The following FARP1 variants were observed in gnomAD, a reference collection of about 807,000 sequenced individuals.
FARP1 encodes the protein FERM, ARHGEF and pleckstrin domain-containing protein 1.
FARP1 carries 52 observed loss-of-function variants against 128.8 expected under a neutral mutation model. The ratio of observed to expected loss-of-function variants is 0.40; its 90% CI spans 0.32 to 0.51. The LOEUF is 0.51. Ranked by LOEUF, FARP1 falls within the 20% of genes least tolerant of loss-of-function variation. FARP1 has a pLI of 0.45. For synonymous variants in FARP1, 580 were observed against 551.8 expected, an observed-to-expected ratio of 1.05 and a Z score of -0.72; for missense variants, 1,333 against 1,367.9, an observed-to-expected ratio of 0.97 and a Z score of 0.40.
chr13:98,372,169 C>T (rs1396428878), intron 5 of FARP1, among the ~76,000 whole-genome samples: 1 of 149,276 alleles, frequency 6.7e-6, no homozygotes, highest in African/African-American at 2.5e-5. Flanking sequence ...TCACTGCAAC[C>T]TCCGCCTCGT....
At chr13:98,169,689 A>T (rs1234973837) in intron 1 of FARP1, among the ~76,000 whole-genome samples, 2 of 152,270 alleles carry the variant, frequency 1.3e-5, no homozygotes, top group African/African-American at 2.4e-5. Context: ...GTTGTCTTCT[A>T]ACATATTTTG....
At chr13:98,366,912 A>G (rs1242119398) in intron 4 of FARP1, among the ~76,000 whole-genome samples, 1 of 152,136 alleles carries the variant, frequency 6.6e-6, no homozygotes, top group Non-Finnish European at 1.5e-5. Flanking sequence ...ATATGTGATC[A>G]CAGAAATTAT....
intron 1 of FARP1, among the ~76,000 whole-genome samples, chr13:98,162,752 A>C (rs770783715): frequency 5.3e-5 from 8 of 152,178 alleles, no homozygotes; most frequent in Non-Finnish European, 1.2e-4. Flanking sequence ...ATGCTCTAAC[A>C]ATGTTCTAGG....
Position 98,440,022 on chromosome 13 carries a change from A to G in FARP1, c.2495A>G (p.Gln832Arg). Residue 832 changes from glutamine to arginine, a missense_variant, in exon 22 of 27, where the codon CAG becomes CGG. Transcript: ENST00000319562. Reference sequence around the variant, plus strand: ...TGCCTGACCCTCCGGGGCCAGCGGCAGTCCATCATCGTGGCCGCCAGGTAA... The same window carrying G: ...TGCCTGACCCTCCGGGGCCAGCGGCGGTCCATCATCGTGGCCGCCAGGTAA... ...PHCLTLRGQR[Q>R]SIIVAASSRS... is the part of the protein sequence containing the mutation. The G allele has an allele frequency of 2.5e-6, 4 of 1,605,420 alleles. No individual in the cohort carries two copies. The highest frequency in any genetic ancestry group is 3.4e-6 in the Non-Finnish European group (4 of 1,173,522).
At chr13:98,320,063 G>C (rs1014031474) in intron 2 of FARP1, among the ~76,000 whole-genome samples, 2 of 152,108 alleles carry the variant, frequency 1.3e-5, no homozygotes, top group Admixed American at 1.3e-4. Flanking sequence ...AGGCCTGTGT[G>C]GTCAGACACC....
intron 19 of FARP1, chr13:98,437,682 G>A (rs1424819851): frequency 4.6e-5 from 34 of 737,206 alleles, no homozygotes; most frequent in Non-Finnish European, 1.5e-5. Context: ...ATCTGTGCAG[G>A]AGGGCTGTGT....
chr13:98,326,731 A>G (rs1887253138), intron 2 of FARP1, among the ~76,000 whole-genome samples: 1 of 152,228 alleles, frequency 6.6e-6, no homozygotes, highest in South Asian at 2.1e-4. Flanking sequence ...TGTTAAAGTC[A>G]TCTCACGTAG....
At chr13:98,230,041 G>T (rs1335013788) in intron 2 of FARP1, among the ~76,000 whole-genome samples, 1 of 152,166 alleles carries the variant, frequency 6.6e-6, no homozygotes, top group African/African-American at 2.4e-5. Context: ...ATGGTCACTG[G>T]TCGTGCCTAG....
intron 2 of FARP1, among the ~76,000 whole-genome samples, chr13:98,242,114 G>A (rs1594312647): frequency 6.6e-6 from 1 of 152,034 alleles, no homozygotes; most frequent in African/African-American, 2.4e-5. Context: ...TGCATTGACA[G>A]GCTCTGCTTG....
At chr13:98,244,411 TTTATTGTTA>T (rs900495080) in intron 2 of FARP1, 11 of 1,318,552 alleles carry the variant, frequency 8.3e-6, no homozygotes, top group Non-Finnish European at 1.1e-5. Context: ...GCTGTGTCTC[TTTATTGTTA>T]CTGTTTTTTA....
chr13:98,242,720 T>C (rs751614230), intron 2 of FARP1, among the ~76,000 whole-genome samples: 2 of 152,200 alleles, frequency 1.3e-5, no homozygotes, highest in Non-Finnish European at 2.9e-5. Context: ...GATGTAAGGC[T>C]ATGGAAAAAC....
intron 3 of FARP1, among the ~76,000 whole-genome samples, chr13:98,354,390 A>G (rs909367273): frequency 1.8e-4 from 28 of 152,228 alleles, no homozygotes; most frequent in African/African-American, 6.8e-4. Context: ...ATAGATGAAA[A>G]GAGACTTAGA....
intron 2 of FARP1, chr13:98,341,068 TG>T (rs66479651): frequency 0.33 from 49,313 of 151,530 alleles, 8,826 homozygotes; most frequent in African/African-American, 0.45. Flanking sequence ...CTGGAGAGTT[TG>T]GGGATCATCT....
At chr13:98,419,268 G>A (rs1325778920) in intron 16 of FARP1, among the ~76,000 whole-genome samples, 1 of 152,196 alleles carries the variant, frequency 6.6e-6, no homozygotes, top group Admixed American at 6.5e-5. Flanking sequence ...GAGGTCAGGA[G>A]TTCAAGACCA....
intron 14 of FARP1, 55 bp from the exon 15 acceptor site, chr13:98,410,679 A>T: frequency 2.4e-6 from 2 of 836,066 alleles, no homozygotes; most frequent in South Asian, 2.9e-5. Flanking sequence ...ACATTCTCCG[A>T]GACGCATACT....
At chr13:98,251,470 G>A (rs780223022) in intron 2 of FARP1, among the ~76,000 whole-genome samples, 5 of 152,102 alleles carry the variant, frequency 3.3e-5, no homozygotes, top group Non-Finnish European at 4.4e-5. Context: ...ATCACTTGAG[G>A]TCAGGAATTT....
chr13:98,230,651 A>G (rs965311298), intron 2 of FARP1, among the ~76,000 whole-genome samples: 4 of 152,024 alleles, frequency 2.6e-5, no homozygotes, highest in African/African-American at 9.7e-5. Flanking sequence ...TTTTAATAAA[A>G]CCAGAATATA....
At chr13:98,323,880 A>AT (rs1489985676) in intron 2 of FARP1, among the ~76,000 whole-genome samples, 2 of 152,196 alleles carry the variant, frequency 1.3e-5, no homozygotes, top group Admixed American at 6.5e-5. Flanking sequence ...AGTGTCAACA[A>AT]TTTTTTTAAA....
At chr13:98,215,031 G>A (rs535596505) in intron 2 of FARP1, among the ~76,000 whole-genome samples, 1 of 152,174 alleles carries the variant, frequency 6.6e-6, no homozygotes, top group East Asian at 1.9e-4. Context: ...GGGTTGGACT[G>A]TGGAACTGGC....
Sources: allele counts gnomAD v4.1 joint callset (sites outside exome capture counted in the v4.1 genomes callset), GRCh38; gene constraint gnomAD v4.1.1; transcripts MANE v1.5; gene names NCBI Gene and HGNC (gene_info 2026-07-23, HGNC 2026-07-21).